BANF1: variants seen among roughly 807,000 people sequenced by gnomAD.
BANF1 encodes the protein barrier to autointegration nuclear assembly factor 1.
For missense variants in BANF1, 47 were observed against 110.4 expected, an observed-to-expected ratio of 0.43 and a Z score of 2.57; for synonymous variants, 49 against 43.7, an observed-to-expected ratio of 1.12 and a Z score of -0.48.
At chr11:66,003,602 T>G in intron 2 of BANF1, 24 bp from the exon 3 acceptor site, 1 of 1,614,068 alleles carries the variant, frequency 6.2e-7, no homozygotes, top group East Asian at 2.2e-5. Context: ...AGCAGCACGC[T>G]CCTTCCTTTT....
chr11:66,002,712 G>C (rs1856025855), intron 1 of BANF1, 142 bp downstream of exon 1: 1 of 151,140 alleles, frequency 6.6e-6, no homozygotes, highest in Non-Finnish European at 1.5e-5. Flanking sequence ...GGTGCAGCGC[G>C]TGGGAGCCGG....
At position 66,003,711 on chromosome 11, in the gene BANF1, A is replaced by C. The variant is rs564929774; in HGVS notation, c.209A>C (p.Asn70Thr). The C allele has an allele frequency of 6.2e-7, 1 of 1,614,130 alleles. No individual in the cohort carries two copies. Among genetic ancestry groups the C allele is most frequent in the South Asian group, 1.1e-5 (1 of 91,078 alleles). The change falls in exon 3 of 3, where the codon AAC (asparagine) becomes ACC (threonine). Residue 70 changes from asparagine (N) to threonine (T), a missense_variant. Coordinates refer to ENST00000312175, the MANE Select transcript of BANF1 (RefSeq NM_003860.4). Reference protein sequence around the residue: ...REWLKDTCGANAKQSRDCFGC... With the variant: ...REWLKDTCGATAKQSRDCFGC... Reference sequence around the variant, plus strand: ...TGGCTGAAAGACACTTGTGGCGCCAACGCCAAGCAGTCCCGGGACTGCTTC... The same window carrying C: ...TGGCTGAAAGACACTTGTGGCGCCACCGCCAAGCAGTCCCGGGACTGCTTC...
chr11:66,002,813 G>A (rs1192220889), intron 1 of BANF1: 5 of 228,508 alleles, frequency 2.2e-5, no homozygotes, highest in Admixed American at 5.2e-5. Flanking sequence ...GGTGTGCGCA[G>A]CGCTAGGTGT....
chr11:66,004,005 C>T lies in BANF1; in HGVS notation c.*233C>T, dbSNP rs1856078154. 1.8e-6 allele frequency: 1 copy of T among 545,520 alleles called. No individual in the cohort carries two copies. Among genetic ancestry groups the T allele is most frequent in the East Asian group, 3.4e-5 (1 of 29,740 alleles). 33.8% of individuals were successfully genotyped at this position (545,520 alleles called of 1,614,324 possible). A position where few individuals can be genotyped will look rare whatever the true frequency, so the allele number is the denominator to read the frequency against. ...TTGCCAGTTCCCTGGTGACAGTTAC[C>T]AGCTTTCCTGAATGGATTCCCGGCC... On this transcript the variant is annotated 3_prime_UTR_variant, in exon 3 of 3. Coordinates refer to ENST00000312175, the MANE Select transcript of BANF1 (RefSeq NM_003860.4).
At chr11:66,002,800 G>A (rs974115170) in intron 1 of BANF1, 1 of 168,684 alleles carries the variant, frequency 5.9e-6, no homozygotes, top group African/African-American at 2.4e-5. Context: ...CGGGCGGGGA[G>A]CGGGTGTGCG....
At chr11:66,003,486 A>C (rs1030199283) in intron 2 of BANF1, 113 bp downstream of exon 2, 1 of 1,607,554 alleles carries the variant, frequency 6.2e-7, no homozygotes, top group African/African-American at 1.3e-5. Context: ...GAGCCTGGGC[A>C]CCTGGTGGAG....
chr11:66,003,610 T>G lies in BANF1; in HGVS notation c.124-16T>G. The G allele has an allele frequency of 6.2e-7, 1 of 1,614,124 alleles. No individual in the cohort carries two copies. The highest frequency in any genetic ancestry group is 8.5e-7 in the Non-Finnish European group (1 of 1,180,004). On this transcript the variant is annotated splice_polypyrimidine_tract_variant and intron_variant, in intron 2 of 2. Transcript: ENST00000312175. ...AGCACTGAGCAGCACGCTCCTTCCT[T>G]TTCCCTGTTTTGCAGGCCTATGTTG...
Position 66,002,549 on chromosome 11 carries a change from G to C in BANF1, c.-38G>C, listed in dbSNP as rs1156589337. 6.5e-6 allele frequency: 1 copy of C among 152,854 alleles called. No homozygotes were observed. Among genetic ancestry groups the C allele is most frequent in the Non-Finnish European group, 1.5e-5 (1 of 68,236 alleles). The allele number at this position is 152,854 out of a possible 1,614,324, so 9.5% of individuals were successfully genotyped here. Reference sequence around the variant, plus strand: ...GAGCGGCCGGGTGGCGGGAGGAACCGTTACGGGAACTGAAGTTGCGGGTGA... The same window carrying C: ...GAGCGGCCGGGTGGCGGGAGGAACCCTTACGGGAACTGAAGTTGCGGGTGA... On this transcript the variant is annotated 5_prime_UTR_variant, in exon 1 of 3. Transcript: ENST00000312175.
At chr11:66,003,434 G>A (rs1196367982) in intron 2 of BANF1, 61 bp downstream of exon 2, 6 of 1,612,020 alleles carry the variant, frequency 3.7e-6, no homozygotes, top group Non-Finnish European at 5.1e-6. Flanking sequence ...GATTCCATCT[G>A]CTGGGGGATG....
chr11:66,002,998 T>G (rs180926338), intron 1 of BANF1: 48 of 504,474 alleles, frequency 9.5e-5, no homozygotes, highest in Non-Finnish European at 1.4e-4. Flanking sequence ...CGCCACCTGT[T>G]AGGCAGGATC....
rs1457243342 is a variant in BANF1, at chr11:66,003,380, G to C, written c.123+7G>C. ...GGAAAGGGGTTTTGACAAGGTGTGG[G>C]GTGGCTGCGTGTACCTAGTGCAAGC... is the stretch of plus-strand genomic sequence containing the variant. On this transcript the variant is annotated splice_region_variant and intron_variant, in intron 2 of 2. Transcript: ENST00000312175. 1.2e-6 allele frequency: 2 copies of C among 1,613,838 alleles called. No individual in the cohort carries two copies.
chr11:66,003,429 C>T, intron 2 of BANF1, 56 bp downstream of exon 2: 2 of 1,612,884 alleles, frequency 1.2e-6, no homozygotes, highest in Non-Finnish European at 1.7e-6. Flanking sequence ...GAAGTGATTC[C>T]ATCTGCTGGG....
chr11:66,002,844 A>T (rs927148691), intron 1 of BANF1: 7 of 284,198 alleles, frequency 2.5e-5, no homozygotes, highest in Admixed American at 4.8e-5. Flanking sequence ...CTGTAGGTAG[A>T]GAGACCCTTT....
chr11:66,003,070 A>G (rs892625323), intron 1 of BANF1, 165 bp from the exon 2 acceptor site: 15 of 721,700 alleles, frequency 2.1e-5, no homozygotes, highest in East Asian at 8.3e-5. Context: ...TCTTAAAAAT[A>G]GTAGGGAAGA....
At chr11:66,003,498 GGA>G in intron 2 of BANF1, 125 bp downstream of exon 2, 1 of 1,608,690 alleles carries the variant, frequency 6.2e-7, no homozygotes. Flanking sequence ...CTGGTGGAGA[GGA>G]GAGGGGGGCA....
intron 1 of BANF1, 161 bp from the exon 2 acceptor site, chr11:66,003,074 G>C (rs2276132): frequency 1.4e-6 from 1 of 738,422 alleles, no homozygotes; most frequent in African/African-American, 1.8e-5. Context: ...AAAAATAGTA[G>C]GGAAGAGTCT....
intron 1 of BANF1, 109 bp from the exon 2 acceptor site, chr11:66,003,126 C>T: frequency 8.5e-7 from 1 of 1,181,440 alleles, no homozygotes; most frequent in Non-Finnish European, 1.2e-6. Context: ...GGGGATCGAG[C>T]AAGCCACTGT....
At position 66,003,377 on chromosome 11, in the gene BANF1, T is replaced by G. The variant is rs775707952; in HGVS notation, c.123+4T>G. The G allele has an allele frequency of 6.2e-7, 1 of 1,612,760 alleles. No homozygotes were observed. Among genetic ancestry groups the G allele is most frequent in the Non-Finnish European group, 8.5e-7 (1 of 1,179,682 alleles). On this transcript the variant is annotated splice_donor_region_variant and intron_variant, in intron 2 of 2. Coordinates refer to ENST00000312175, the MANE Select transcript of BANF1 (RefSeq NM_003860.4). ...GGAGGAAAGGGGTTTTGACAAGGTGTGGGGTGGCTGCGTGTACCTAGTGCA... is the reference window on the plus strand; with the variant it reads ...GGAGGAAAGGGGTTTTGACAAGGTGGGGGGTGGCTGCGTGTACCTAGTGCA...
At chr11:66,002,920 C>T (rs996368829) in intron 1 of BANF1, 2 of 384,382 alleles carry the variant, frequency 5.2e-6, no homozygotes, top group Admixed American at 3.7e-5. Context: ...GCCAAGGTCA[C>T]AGAGGGAGTG....
Sources: gnomAD v4.1 joint callset for allele counts on GRCh38, gnomAD v4.1.1 for gene constraint, MANE v1.5 for transcripts, NCBI Gene and HGNC (gene_info 2026-07-23, HGNC 2026-07-21) for gene names.